The following HECTD2 variants were observed in gnomAD, a reference collection of about 807,000 sequenced individuals.
HECTD2 encodes HECT domain E3 ubiquitin protein ligase 2.
A neutral mutation model predicts 103.2 loss-of-function variants in HECTD2; 35 were observed. The ratio of observed to expected loss-of-function variants is 0.34; its 90% CI spans 0.26 to 0.45. HECTD2 has a LOEUF of 0.45. Among genes scored for constraint, HECTD2 ranks in the 20% least tolerant of loss-of-function variants. The pLI is 1.00. For synonymous variants in HECTD2, 281 were observed against 329.9 expected (o/e 0.85, Z 1.61); for missense variants, 596 against 937.4 (o/e 0.64, Z 4.76).
At chr10:91,501,560 C>G (rs1286860361) in intron 20 of HECTD2, among the ~76,000 whole-genome samples, 1 of 152,072 alleles carries the variant, frequency 6.6e-6, no homozygotes. Context: ...TTTTACTTTG[C>G]TAGGTCATAT....
chr10:91,494,460 T>C (rs946064943), intron 14 of HECTD2, among the ~76,000 whole-genome samples: 1 of 152,052 alleles, frequency 6.6e-6, no homozygotes, highest in Non-Finnish European at 1.5e-5. Context: ...CTGAAAGTTA[T>C]GGAAAATACC....
intron 2 of HECTD2, among the ~76,000 whole-genome samples, chr10:91,449,213 C>T (rs952995897): frequency 5.3e-5 from 8 of 152,296 alleles, no homozygotes; most frequent in Admixed American, 1.3e-4. Flanking sequence ...ATCAAGTTGG[C>T]TTCATCCCTG....
chr10:91,495,088 T>TAATA (rs1846618350), intron 14 of HECTD2, among the ~76,000 whole-genome samples: 1 of 152,016 alleles, frequency 6.6e-6, no homozygotes, highest in Admixed American at 6.6e-5. Flanking sequence ...CTCTCATTAT[T>TAATA]ATGTGTGTTT....
chr10:91,472,965 C>T (rs1845778836), intron 5 of HECTD2, among the ~76,000 whole-genome samples: 1 of 152,028 alleles, frequency 6.6e-6, no homozygotes, highest in Non-Finnish European at 1.5e-5. Flanking sequence ...AAGAGATAAA[C>T]TATAAAAATA....
At chr10:91,480,526 G>A (rs1846055003) in intron 6 of HECTD2, among the ~76,000 whole-genome samples, 1 of 152,006 alleles carries the variant, frequency 6.6e-6, no homozygotes, top group Non-Finnish European at 1.5e-5. Context: ...ATCTTGAGCA[G>A]GCAAGAAACA....
intron 2 of HECTD2, among the ~76,000 whole-genome samples, chr10:91,449,953 C>T (rs1053431704): frequency 1.3e-5 from 2 of 152,090 alleles, no homozygotes; most frequent in African/African-American, 4.8e-5. Context: ...GCCATACTGC[C>T]CAAAGTAATT....
chr10:91,451,632 T>C (rs1453712887), intron 2 of HECTD2, among the ~76,000 whole-genome samples: 1 of 152,158 alleles, frequency 6.6e-6, no homozygotes, highest in African/African-American at 2.4e-5. Flanking sequence ...TTATTCTGAT[T>C]TACAGTAAAG....
At position 91,500,629 on chromosome 10, in the gene HECTD2, A is replaced by G; in HGVS notation, c.2066+12A>G. On this transcript the variant is annotated intron_variant, in intron 19 of 20. Transcript: ENST00000298068. ...GACTTAACTATAAAGTGAGCTCTTT[A>G]TACTTCTGATAGTGGGGGATGTGGA... is the stretch of plus-strand genomic sequence containing the variant. 2 of 1,224,452 alleles carry G rather than the reference A, an allele frequency of 1.6e-6. No individual in the cohort carries two copies. Among genetic ancestry groups the G allele is most frequent in the Non-Finnish European group, 2.4e-6 (2 of 825,492 alleles). The allele number at this position is 1,224,452 out of a possible 1,614,324, so 75.8% of individuals were successfully genotyped here. A position where few individuals can be genotyped will look rare whatever the true frequency, so the allele number is the denominator to read the frequency against.
chr10:91,477,394 G>A (rs1191924396), intron 5 of HECTD2, among the ~76,000 whole-genome samples: 1 of 152,176 alleles, frequency 6.6e-6, no homozygotes, highest in Non-Finnish European at 1.5e-5. Context: ...TGAGATTTGT[G>A]GTCATAAACT....
chr10:91,421,909 C>A (rs184745556), intron 1 of HECTD2, among the ~76,000 whole-genome samples: 1 of 152,328 alleles, frequency 6.6e-6, no homozygotes, highest in East Asian at 1.9e-4. Flanking sequence ...TTCAGACTTA[C>A]ACCTGAAATC....
intron 20 of HECTD2, among the ~76,000 whole-genome samples, chr10:91,503,417 C>T (rs1234955319): frequency 1.1e-4 from 17 of 151,524 alleles, no homozygotes; most frequent in East Asian, 3.9e-4. Context: ...TCAGTGGGTG[C>T]GCACACCGTG....
intron 19 of HECTD2, 88 bp downstream of exon 19, chr10:91,500,705 T>C: frequency 1.5e-6 from 1 of 660,508 alleles, no homozygotes; most frequent in Non-Finnish European, 2.7e-6. Flanking sequence ...TTACAATCTT[T>C]GAATCAATTA....
chr10:91,460,058 T>C (rs1459343545), intron 2 of HECTD2, among the ~76,000 whole-genome samples: 1 of 152,110 alleles, frequency 6.6e-6, no homozygotes, highest in Non-Finnish European at 1.5e-5. Context: ...TTCAAAAAGC[T>C]AATAAACATT....
At chr10:91,437,955 T>TA (rs960505299) in intron 2 of HECTD2, among the ~76,000 whole-genome samples, 2 of 151,976 alleles carry the variant, frequency 1.3e-5, no homozygotes, top group Non-Finnish European at 2.9e-5. Context: ...ACACTTTTTT[T>TA]AAAAAAACAA....
At chr10:91,455,267 T>C (rs1239007124) in intron 2 of HECTD2, among the ~76,000 whole-genome samples, 1 of 152,104 alleles carries the variant, frequency 6.6e-6, no homozygotes, top group Non-Finnish European at 1.5e-5. Flanking sequence ...CCATTCTAAC[T>C]GGGTGTGAGA....
intron 5 of HECTD2, among the ~76,000 whole-genome samples, chr10:91,477,567 G>T (rs1321907158): frequency 6.6e-6 from 1 of 152,166 alleles, no homozygotes; most frequent in Non-Finnish European, 1.5e-5. Flanking sequence ...ATACGTATAT[G>T]TGTATATGAC....
chr10:91,466,403 A>G (rs1305783851), intron 5 of HECTD2, among the ~76,000 whole-genome samples: 1 of 151,866 alleles, frequency 6.6e-6, no homozygotes, highest in Non-Finnish European at 1.5e-5. Context: ...TCCCTGTTTT[A>G]AGTTTCATTG....
intron 14 of HECTD2, among the ~76,000 whole-genome samples, chr10:91,495,554 A>C (rs554194367): frequency 6.6e-6 from 1 of 152,178 alleles, no homozygotes; most frequent in East Asian, 1.9e-4. Context: ...TTTGATCTAA[A>C]ACCTCTCTTT....
intron 2 of HECTD2, among the ~76,000 whole-genome samples, chr10:91,433,741 A>G (rs2133078555): frequency 6.6e-6 from 1 of 152,050 alleles, no homozygotes; most frequent in South Asian, 2.1e-4. Flanking sequence ...AAATGCATGT[A>G]CAGTCACCTT....
Sources: gnomAD v4.1 joint callset for allele counts (sites outside exome capture counted in the v4.1 genomes callset) on GRCh38, gnomAD v4.1.1 for gene constraint, MANE v1.5 for transcripts, NCBI Gene and HGNC (gene_info 2026-07-23, HGNC 2026-07-21) for gene names.